SLC26A3: variants seen among roughly 807,000 people sequenced by gnomAD.
SLC26A3 encodes solute carrier family 26 member 3.
Under a neutral mutation model 85.6 loss-of-function variants are expected in SLC26A3, and 64 were observed. That is an observed-to-expected ratio of 0.75 (90% confidence interval 0.61 to 0.92). The LOEUF is 0.92. Ranked by LOEUF, SLC26A3 falls within the 40% of genes least tolerant of loss-of-function variation. The pLI, the probability that SLC26A3 is intolerant of heterozygous loss-of-function variation, is 0.00. For missense variants in SLC26A3, 922 were observed against 927.3 expected, an observed-to-expected ratio of 0.99 and a Z score of 0.07; for synonymous variants, 349 against 336.0, an observed-to-expected ratio of 1.04 and a Z score of -0.42.
chr7:107,785,297 G>A (rs545927882), intron 8 of SLC26A3, among the ~76,000 whole-genome samples: 1 of 152,294 alleles, frequency 6.6e-6, no homozygotes, highest in East Asian at 1.9e-4. Flanking sequence ...AGCTCAAAAA[G>A]TGAGTCAGAA....
chr7:107,778,747 T>C (rs1253843613), intron 12 of SLC26A3, among the ~76,000 whole-genome samples: 1 of 152,070 alleles, frequency 6.6e-6, no homozygotes, highest in African/African-American at 2.4e-5. Context: ...GTCAGCACTT[T>C]GGGAGGCTGA....
At chr7:107,785,826 C>A (rs1017752866) in intron 8 of SLC26A3, among the ~76,000 whole-genome samples, 2 of 151,838 alleles carry the variant, frequency 1.3e-5, no homozygotes, top group African/African-American at 2.4e-5. Context: ...AAAAAAAATA[C>A]ATATAAATGC....
chr7:107,799,690 G>C (rs1584415943), intron 1 of SLC26A3, among the ~76,000 whole-genome samples: 1 of 152,244 alleles, frequency 6.6e-6, no homozygotes, highest in Non-Finnish European at 1.5e-5. Context: ...CCGGCCCAAG[G>C]CTTCAATTTC....
Position 107,774,806 on chromosome 7 carries a change from G to C in SLC26A3, c.1744C>G (p.Gln582Glu), listed in dbSNP as rs778338646. 120 of 1,613,928 alleles carry C rather than the reference G, an allele frequency of 7.4e-5. No individual in the cohort carries two copies. Among genetic ancestry groups the C allele is most frequent in the Non-Finnish European group, 1.0e-4 (119 of 1,179,942 alleles). Residue 582 changes from glutamine (Q) to glutamate (E), a missense_variant, in exon 16 of 21, where the codon CAG becomes GAG. Gln to Glu is a conservative substitution (Grantham distance 29). Transcript: ENST00000340010. ...NKALRKIRKLQKQGLLQVTPK... is the reference protein window; with the variant it reads ...NKALRKIRKLEKQGLLQVTPK... ...GTCACTTGTAGCAAGCCTTGCTTCT[G>C]CAGTTTTCGGATTTTCCTCAAAGCT...
chr7:107,772,511 A>G (rs567068789), intron 17 of SLC26A3, among the ~76,000 whole-genome samples: 2 of 152,242 alleles, frequency 1.3e-5, no homozygotes, highest in East Asian at 1.9e-4. Context: ...TTTGTCCACA[A>G]TGAATGGATG....
intron 15 of SLC26A3, among the ~76,000 whole-genome samples, chr7:107,775,562 A>G (rs764149158): frequency 1.3e-5 from 2 of 151,992 alleles, no homozygotes; most frequent in Non-Finnish European, 2.9e-5. Context: ...TCGTCTCTAC[A>G]AAAGATTTAA....
intron 11 of SLC26A3, 147 bp from the exon 12 acceptor site, chr7:107,779,910 G>A: frequency 8.5e-6 from 6 of 707,900 alleles, no homozygotes; most frequent in South Asian, 3.1e-5. Context: ...GCGATGCCAC[G>A]CAAGACACAC....
intron 15 of SLC26A3, 43 bp downstream of exon 15, chr7:107,776,409 A>C (rs1794115799): frequency 7.3e-7 from 1 of 1,373,318 alleles, no homozygotes; most frequent in Non-Finnish European, 1.0e-6. Context: ...CCCAGAATTC[A>C]GTAAGATTAC....
intron 2 of SLC26A3, 138 bp from the exon 3 acceptor site, chr7:107,794,019 A>T (rs1048762584): frequency 8.6e-7 from 1 of 1,161,074 alleles, no homozygotes; most frequent in African/African-American, 1.5e-5. Context: ...TTCTTTACCC[A>T]TAATCAGCTG....
intron 1 of SLC26A3, among the ~76,000 whole-genome samples, chr7:107,800,913 G>C (rs2051956): frequency 0.5 from 75,346 of 152,016 alleles, 19,775 homozygotes; most frequent in African/African-American, 0.67. Context: ...CAAATCATGT[G>C]AAAGGTTATT....
intron 1 of SLC26A3, among the ~76,000 whole-genome samples, chr7:107,801,212 C>T (rs1007049209): frequency 9.9e-5 from 15 of 152,280 alleles, no homozygotes; most frequent in African/African-American, 2.9e-4. Flanking sequence ...CTTCCCAGAG[C>T]CAGGATGAGA....
At chr7:107,779,098 A>T (rs117270017) in intron 12 of SLC26A3, among the ~76,000 whole-genome samples, 1 of 152,356 alleles carries the variant, frequency 6.6e-6, no homozygotes, top group East Asian at 1.9e-4. Context: ...TAGCATGCCA[A>T]AAGGGTGTTA....
intron 15 of SLC26A3, chr7:107,776,225 ATTC>A: frequency 1.8e-6 from 1 of 551,536 alleles, no homozygotes; most frequent in South Asian, 2.3e-5. Flanking sequence ...TGAGAAAAGG[ATTC>A]TTCTATATTA....
intron 12 of SLC26A3, 79 bp from the exon 13 acceptor site, chr7:107,778,360 C>CTTTTTTTTTTTTTTTTTTTTTTTT (rs10681903): frequency 2.7e-6 from 1 of 372,404 alleles, no homozygotes; most frequent in African/African-American, 3.5e-5. Flanking sequence ...TTTAAAAAGA[C>CTTTTTTTTTTTTTTTTTTTTTTTT]TTTTTTTTTT....
intron 1 of SLC26A3, among the ~76,000 whole-genome samples, chr7:107,797,545 G>A (rs1243280989): frequency 1.3e-5 from 2 of 152,022 alleles, no homozygotes; most frequent in Non-Finnish European, 2.9e-5. Flanking sequence ...GAGAAATCTT[G>A]AGGGCCACAT....
chr7:107,765,970 C>G (rs1489831298), intron 20 of SLC26A3, 92 bp from the exon 21 acceptor site: 1 of 1,121,142 alleles, frequency 8.9e-7, no homozygotes, highest in East Asian at 2.4e-5. Flanking sequence ...CCAGAGTTAA[C>G]AGGTTTTTTT....
rs757557395 is a variant in SLC26A3 at position 107,783,029 on chromosome 7, G to C, written c.1184C>G (p.Thr395Ser). 22 of 1,614,088 alleles carry C rather than the reference G, an allele frequency of 1.4e-5. 1 individual carries two copies. The South Asian group carries it at 2.2e-4, about 16-fold the overall frequency. ...CGVFRGFAGS[T>S]ALSRSAVQES... ...CTGAACTGCTGATCTGGAGAGGGCA[G>C]TACTCCCAGCAAATCCTCTGAATAC... The change falls in exon 10 of 21, where the codon ACT becomes AGT. Residue 395 changes from threonine to serine, a missense_variant. By Grantham distance (58) the Thr-to-Ser change is moderately conservative. Coordinates refer to ENST00000340010, the MANE Select transcript of SLC26A3 (RefSeq NM_000111.3).
At chr7:107,779,902 G>T in intron 11 of SLC26A3, 139 bp from the exon 12 acceptor site, 1 of 735,540 alleles carries the variant, frequency 1.4e-6, no homozygotes, top group Non-Finnish European at 2.4e-6. Context: ...TCCGGTGTGC[G>T]ATGCCACGCA....
chr7:107,789,059 G>A (rs1461383116), intron 6 of SLC26A3, among the ~76,000 whole-genome samples: 1 of 148,970 alleles, frequency 6.7e-6, no homozygotes, highest in Non-Finnish European at 1.5e-5. Flanking sequence ...CAAAGTGCTG[G>A]GATTACAGGT....
Sources: allele counts gnomAD v4.1 joint callset (sites outside exome capture counted in the v4.1 genomes callset), GRCh38; gene constraint gnomAD v4.1.1; transcripts MANE v1.5; gene names NCBI Gene and HGNC (gene_info 2026-07-23, HGNC 2026-07-21).